CUL3: variants seen among roughly 807,000 people sequenced by gnomAD.
CUL3 encodes the protein cullin-3.
A neutral mutation model predicts 89.1 loss-of-function variants in CUL3; 19 were observed. The observed-to-expected ratio is 0.21, with a 90% CI of 0.15 to 0.31. The LOEUF (loss-of-function observed/expected upper bound fraction) is 0.31, where lower values mean the gene tolerates loss of function less well. Among genes scored for constraint, CUL3 ranks in the 10% least tolerant of loss-of-function variants. The probability of loss-of-function intolerance (pLI) is 1.00; values close to 1 mark genes in which losing one functional copy is unlikely to be tolerated. For synonymous variants in CUL3, 351 were observed against 308.4 expected (o/e 1.14, Z -1.45); for missense variants, 469 against 942.3 (o/e 0.50, Z 6.58).
At chr2:224,523,533 ATTAAC>A (rs1156250764) in intron 3 of CUL3, among the ~76,000 whole-genome samples, 2 of 152,220 alleles carry the variant, frequency 1.3e-5, no homozygotes, top group Non-Finnish European at 2.9e-5. Context: ...TACAAAAACA[ATTAAC>A]ATAGGATCCA....
chr2:224,518,050 G>T (rs1334115283), intron 3 of CUL3, among the ~76,000 whole-genome samples: 1 of 152,180 alleles, frequency 6.6e-6, no homozygotes, highest in African/African-American at 2.4e-5. Context: ...CAACTGGTAA[G>T]TGAAGAATAT....
chr2:224,540,897 G>C (rs867075786), intron 2 of CUL3, among the ~76,000 whole-genome samples: 21 of 152,244 alleles, frequency 1.4e-4, no homozygotes, highest in Middle Eastern at 3.4e-3. Context: ...TTATGAGTGA[G>C]AAGAGCCCTG....
chr2:224,517,382 A>C (rs949705360), intron 3 of CUL3, among the ~76,000 whole-genome samples: 2 of 152,236 alleles, frequency 1.3e-5, no homozygotes, highest in Non-Finnish European at 2.9e-5. Flanking sequence ...TCAATATTGT[A>C]TACATACAGG....
At chr2:224,526,564 C>A (rs942242388) in intron 3 of CUL3, among the ~76,000 whole-genome samples, 2 of 119,328 alleles carry the variant, frequency 1.7e-5, no homozygotes, top group Non-Finnish European at 1.6e-5. Context: ...CCAGCCTGGG[C>A]GACAGAGGGA....
chr2:224,565,000 G>T (rs1000209209), intron 1 of CUL3, among the ~76,000 whole-genome samples: 2 of 152,028 alleles, frequency 1.3e-5, no homozygotes, highest in Non-Finnish European at 2.9e-5. Flanking sequence ...TAACCCCAAG[G>T]TATTTCTCAA....
intron 3 of CUL3, among the ~76,000 whole-genome samples, chr2:224,520,534 C>A (rs1693223532): frequency 6.6e-6 from 1 of 152,198 alleles, no homozygotes; most frequent in Non-Finnish European, 1.5e-5. Flanking sequence ...AACTTCCCTG[C>A]CAACAACTAT....
At chr2:224,515,394 A>G (rs1693002638) in intron 3 of CUL3, among the ~76,000 whole-genome samples, 1 of 152,232 alleles carries the variant, frequency 6.6e-6, no homozygotes, top group Non-Finnish European at 1.5e-5. Flanking sequence ...TTGAAAATCC[A>G]TATTGATAGC....
chr2:224,478,158 T>C, intron 15 of CUL3, 42 bp downstream of exon 15: 1 of 1,518,370 alleles, frequency 6.6e-7, no homozygotes, highest in Non-Finnish European at 8.9e-7. Flanking sequence ...TTAATAATGT[T>C]ACTGTTTTTT....
chr2:224,545,982 A>C (rs901329423), intron 2 of CUL3, among the ~76,000 whole-genome samples: 2 of 152,210 alleles, frequency 1.3e-5, no homozygotes, highest in African/African-American at 4.8e-5. Context: ...TTAAAATAGT[A>C]TGACTTAGAA....
chr2:224,548,627 A>G (rs562510452), intron 2 of CUL3, among the ~76,000 whole-genome samples: 8 of 152,338 alleles, frequency 5.3e-5, no homozygotes, highest in Middle Eastern at 3.4e-3. Context: ...GGTAAATCTA[A>G]GAAAACTGCT....
At chr2:224,479,448 T>G (rs74272773) in intron 14 of CUL3, 1 of 151,572 alleles carries the variant, frequency 6.6e-6, no homozygotes, top group East Asian at 1.9e-4. Flanking sequence ...AATAAAAAGA[T>G]AGAGGTACTG....
chr2:224,542,816 G>A (rs1239886551), intron 2 of CUL3, among the ~76,000 whole-genome samples: 2 of 152,168 alleles, frequency 1.3e-5, no homozygotes, highest in Admixed American at 6.5e-5. Context: ...AACAAAAGGA[G>A]CTGGAAAGGA....
intron 4 of CUL3, 90 bp from the exon 5 acceptor site, chr2:224,513,728 C>T: frequency 1.1e-6 from 1 of 880,438 alleles, no homozygotes. Context: ...AAAATATCTT[C>T]AGGACATTTA....
At chr2:224,516,318 CT>C (rs68130414) in intron 3 of CUL3, among the ~76,000 whole-genome samples, 18,283 of 133,264 alleles carry the variant, frequency 0.14, 1,113 homozygotes, top group East Asian at 0.25. Context: ...TTTTTGTTTG[CT>C]TTTTTTTTTT....
chr2:224,549,254 T>C (rs778189649), intron 2 of CUL3, among the ~76,000 whole-genome samples: 12 of 151,158 alleles, frequency 7.9e-5, no homozygotes, highest in Non-Finnish European at 1.3e-4. Context: ...AAGGTGGAGA[T>C]TGCAGTGAGC....
At chr2:224,541,623 T>C (rs924841054) in intron 2 of CUL3, among the ~76,000 whole-genome samples, 15 of 152,198 alleles carry the variant, frequency 9.9e-5, no homozygotes, top group Admixed American at 6.5e-5. Flanking sequence ...CAAATGTTCA[T>C]AGCAGCTCTA....
At chr2:224,477,416 T>A (rs1691364637) in intron 15 of CUL3, among the ~76,000 whole-genome samples, 1 of 152,218 alleles carries the variant, frequency 6.6e-6, no homozygotes. Context: ...TAGTTCTTTC[T>A]TGCTCTCCAT....
intron 2 of CUL3, among the ~76,000 whole-genome samples, chr2:224,546,081 A>C (rs1361477290): frequency 6.6e-6 from 1 of 152,184 alleles, no homozygotes; most frequent in Non-Finnish European, 1.5e-5. Context: ...AGAAAGAAAA[A>C]TGACAGTACA....
chr2:224,488,572 G>A (rs969632598), intron 13 of CUL3, among the ~76,000 whole-genome samples: 1 of 152,130 alleles, frequency 6.6e-6, no homozygotes, highest in Non-Finnish European at 1.5e-5. Flanking sequence ...CCAGGAAGAA[G>A]TTGAATCCCT....
Sources: allele counts gnomAD v4.1 joint callset (sites outside exome capture counted in the v4.1 genomes callset), GRCh38; gene constraint gnomAD v4.1.1; transcripts MANE v1.5; gene names NCBI Gene and HGNC (gene_info 2026-07-23, HGNC 2026-07-21).